CHST8: variants seen among roughly 807,000 people sequenced by gnomAD.
CHST8 encodes the protein carbohydrate sulfotransferase 8, also known as GALNAC-4-ST1.
CHST8 carries 10 observed loss-of-function variants against 15.0 expected under a neutral mutation model. The ratio of observed to expected loss-of-function variants is 0.67; its 90% CI spans 0.41 to 1.13. The LOEUF is 1.13. Ranked by LOEUF, CHST8 falls within the 50% of genes most tolerant of loss-of-function variation. CHST8 has a pLI of 0.00. For missense variants in CHST8, 634 were observed against 608.2 expected, an observed-to-expected ratio of 1.04 and a Z score of -0.45; for synonymous variants, 259 against 256.6, an observed-to-expected ratio of 1.01 and a Z score of -0.09.
At chr19:33,736,817 G>T (rs568193227) in intron 3 of CHST8, among the ~76,000 whole-genome samples, 1 of 152,196 alleles carries the variant, frequency 6.6e-6, no homozygotes, top group East Asian at 1.9e-4. Context: ...ATTCATGAAG[G>T]AATGCATGGT....
In CHST8 at chr19:33,673,121, G is replaced by A. The variant is rs569619041; in HGVS notation, c.-87+5278G>A. 3.3e-4 allele frequency among the ~76,000 whole-genome samples: 50 copies of A among 152,298 alleles called. 2 individuals are homozygous for A. Among genetic ancestry groups the A allele is most frequent in the African/African-American group, 1.2e-3 (48 of 41,578 alleles). On this transcript the variant is annotated intron_variant, in intron 2 of 4. Coordinates refer to ENST00000650847, the MANE Select transcript of CHST8 (RefSeq NM_001127895.2). ...CCCAGCCCAGGGCTGTGTGGTCCGTGGGCGAGGTGAGCTGGCCAATGTCCG... is the reference window on the plus strand; with the variant it reads ...CCCAGCCCAGGGCTGTGTGGTCCGTAGGCGAGGTGAGCTGGCCAATGTCCG...
chr19:33,678,982 A>C (rs955432398), intron 2 of CHST8, among the ~76,000 whole-genome samples: 2 of 152,178 alleles, frequency 1.3e-5, no homozygotes, highest in African/African-American at 4.8e-5. Context: ...TGTGCCAGGC[A>C]CTGTTGGCAG....
chr19:33,669,857 T>C (rs1378956869), intron 2 of CHST8, among the ~76,000 whole-genome samples: 2 of 152,366 alleles, frequency 1.3e-5, no homozygotes, highest in South Asian at 2.1e-4. Context: ...CCGAAGATGA[T>C]ATCATTGAGG....
intron 1 of CHST8, among the ~76,000 whole-genome samples, chr19:33,663,451 G>C (rs896597889): frequency 1.3e-5 from 2 of 152,198 alleles, no homozygotes; most frequent in African/African-American, 4.8e-5. Flanking sequence ...TGTGGTCCCA[G>C]CTACTCAGTG....
intron 3 of CHST8, among the ~76,000 whole-genome samples, chr19:33,694,788 C>T (rs577150115): frequency 2.2e-4 from 34 of 152,282 alleles, no homozygotes; most frequent in African/African-American, 7.5e-4. Flanking sequence ...CCATGTTGGC[C>T]GGGCTGGTCT....
At chr19:33,723,498 C>T (rs117383539) in intron 3 of CHST8, among the ~76,000 whole-genome samples, 2,838 of 152,302 alleles carry the variant, frequency 0.019, 35 homozygotes, top group Non-Finnish European at 0.027. Context: ...AGCAGGCTGT[C>T]CTTCCCTGAG....
At chr19:33,770,396 C>A (rs540752204) in intron 3 of CHST8, among the ~76,000 whole-genome samples, 10 of 152,132 alleles carry the variant, frequency 6.6e-5, no homozygotes, top group Non-Finnish European at 1.5e-4. Context: ...AGCCTCAGGA[C>A]GAAAATGTCC....
At chr19:33,683,059 T>C (rs78222146) in intron 2 of CHST8, among the ~76,000 whole-genome samples, 2,571 of 152,166 alleles carry the variant, frequency 0.017, 89 homozygotes, top group African/African-American at 0.059. Context: ...CTAGACTCTT[T>C]TAAACAGTCA....
chr19:33,722,624 T>G (rs1369979227), intron 3 of CHST8, among the ~76,000 whole-genome samples: 1 of 152,110 alleles, frequency 6.6e-6, no homozygotes, highest in East Asian at 1.9e-4. Flanking sequence ...TTCCCCCTCT[T>G]CCCTGGGGCT....
chr19:33,646,764 A>G (rs201637834), intron 1 of CHST8, among the ~76,000 whole-genome samples: 2 of 152,260 alleles, frequency 1.3e-5, no homozygotes, highest in East Asian at 3.9e-4. Flanking sequence ...AAATACAAAA[A>G]TTAGCCAGAC....
chr19:33,769,814 A>C (rs1041018699), intron 3 of CHST8, among the ~76,000 whole-genome samples: 2 of 152,090 alleles, frequency 1.3e-5, no homozygotes, highest in Non-Finnish European at 2.9e-5. Flanking sequence ...ACATGCACGC[A>C]TGTGCACATA....
In CHST8 at chr19:33,772,496, G is replaced by T. The variant is rs376831266; in HGVS notation, c.708G>T (p.Leu236=). ...TVHYGSALKR[L]DTFDRQGILH... is the part of the protein sequence containing the mutation. The stretch of plus-strand genomic sequence containing the variant: ...ACTATGGCAGCGCTCTCAAGCGCCT[G>T]GACACCTTCGACCGCCAGGGTATCT... Residue 236 remains leucine, a synonymous_variant, in exon 5 of 5, where the codon CTG becomes CTT. Transcript: ENST00000650847. The T allele has an allele frequency of 6.2e-7, 1 of 1,613,772 alleles. No homozygotes were observed. The highest frequency in any genetic ancestry group is 1.7e-5 in the Admixed American group (1 of 60,020).
chr19:33,762,456 A>G (rs968820672), intron 3 of CHST8, among the ~76,000 whole-genome samples: 1 of 152,390 alleles, frequency 6.6e-6, no homozygotes, highest in South Asian at 2.1e-4. Flanking sequence ...TGAATCGTGG[A>G]TCCTAATCAC....
At chr19:33,734,298 A>G (rs558256983) in intron 3 of CHST8, among the ~76,000 whole-genome samples, 16 of 152,314 alleles carry the variant, frequency 1.1e-4, no homozygotes, top group African/African-American at 2.6e-4. Context: ...GGCATGAATA[A>G]TCCACCTCTT....
chr19:33,702,865 G>C (rs284337), intron 3 of CHST8, among the ~76,000 whole-genome samples: 16,019 of 152,260 alleles, frequency 0.11, 1,209 homozygotes, highest in African/African-American at 0.22. Context: ...AGATGCCTCA[G>C]GATTACCTCG....
chr19:33,767,783 G>C (rs1338041185), intron 3 of CHST8, among the ~76,000 whole-genome samples: 1 of 152,182 alleles, frequency 6.6e-6, no homozygotes, highest in Non-Finnish European at 1.5e-5. Context: ...GGGTGGAGGT[G>C]GGGAGGCAGG....
chr19:33,666,405 G>A (rs975123448), intron 1 of CHST8, among the ~76,000 whole-genome samples: 11 of 152,196 alleles, frequency 7.2e-5, no homozygotes, highest in African/African-American at 1.4e-4. Context: ...TCTGCCTCGC[G>A]TTTCTAGAGT....
At chr19:33,664,449 C>G (rs1390590363) in intron 1 of CHST8, among the ~76,000 whole-genome samples, 99 of 115,674 alleles carry the variant, frequency 8.6e-4, no homozygotes, top group African/African-American at 3.3e-3. Context: ...CCCCTCCCCC[C>G]TCCCCACAAC....
At chr19:33,676,780 G>C (rs1972815568) in intron 2 of CHST8, among the ~76,000 whole-genome samples, 1 of 152,000 alleles carries the variant, frequency 6.6e-6, no homozygotes, top group South Asian at 2.1e-4. Context: ...AGGAGGCTGA[G>C]GCAGGAGGAC....
Sources: gnomAD v4.1 joint callset for allele counts (sites outside exome capture counted in the v4.1 genomes callset) on GRCh38, gnomAD v4.1.1 for gene constraint, MANE v1.5 for transcripts, NCBI Gene and HGNC (gene_info 2026-07-23, HGNC 2026-07-21) for gene names.